The following PAFAH1B2 variants were observed in gnomAD, a reference collection of about 807,000 sequenced individuals.
The protein encoded by PAFAH1B2 is platelet-activating factor acetylhydrolase IB subunit alpha2.
A neutral mutation model predicts 28.0 loss-of-function variants in PAFAH1B2; 8 were observed. That is an observed-to-expected ratio of 0.29 (90% confidence interval 0.17 to 0.52). PAFAH1B2 has a LOEUF of 0.52. PAFAH1B2 is among the 20% of genes least tolerant of loss of function. The pLI, the probability that PAFAH1B2 is intolerant of heterozygous loss-of-function variation, is 0.97. For missense variants in PAFAH1B2, 190 were observed against 282.6 expected, an observed-to-expected ratio of 0.67 and a Z score of 2.35; for synonymous variants, 104 against 103.2, an observed-to-expected ratio of 1.01 and a Z score of -0.05.
chr11:117,149,764 G>A (rs1386412438), intron 1 of PAFAH1B2, among the ~76,000 whole-genome samples: 1 of 151,948 alleles, frequency 6.6e-6, no homozygotes, highest in East Asian at 1.9e-4. Flanking sequence ...AGAAAAAATA[G>A]GCTTCACTAT....
At chr11:117,152,612 C>A in intron 2 of PAFAH1B2, 84 bp downstream of exon 2, 1 of 963,172 alleles carries the variant, frequency 1.0e-6, no homozygotes, top group South Asian at 1.3e-5. Context: ...GAGACAAGGT[C>A]TCACTGTGTT....
intron 1 of PAFAH1B2, among the ~76,000 whole-genome samples, chr11:117,144,760 C>T (rs913162362): frequency 6.6e-6 from 1 of 152,064 alleles, no homozygotes; most frequent in African/African-American, 2.4e-5. Flanking sequence ...CCTGCCCTGC[C>T]CTGCCCTGCC....
intron 2 of PAFAH1B2, 26 bp from the exon 3 acceptor site, chr11:117,159,908 A>ATT: frequency 7.0e-7 from 1 of 1,424,596 alleles, no homozygotes; most frequent in Non-Finnish European, 9.8e-7. Context: ...CCAGTTAATA[A>ATT]TTTTTTTTTT....
In PAFAH1B2 at chr11:117,161,226, C is replaced by A. The variant is rs1160441527; in HGVS notation, c.253C>A (p.Leu85Ile). Residue 85 changes from leucine to isoleucine, a missense_variant, in exon 4 of 6, where the codon CTA (leucine) becomes ATA (isoleucine). Leu to Ile is a conservative substitution (Grantham distance 5). Transcript: ENST00000527958. ...TACAACAAGACATGTTTTGTGGAGA[C>A]TAAAGAATGGAGAACTGGAGAATAT... ...GDTTRHVLWR[L>I]KNGELENIKP... 6.3e-7 allele frequency: 1 copy of A among 1,585,446 alleles called. No homozygotes were observed. Among genetic ancestry groups the A allele is most frequent in the African/African-American group, 1.4e-5 (1 of 72,844 alleles).
chr11:117,150,077 CT>C (rs1354832569), intron 1 of PAFAH1B2, among the ~76,000 whole-genome samples: 38 of 152,160 alleles, frequency 2.5e-4, no homozygotes, highest in African/African-American at 8.9e-4. Context: ...TGATTTAAGC[CT>C]AGAATTGAAC....
At chr11:117,165,912 T>C (rs903874038) in intron 5 of PAFAH1B2, among the ~76,000 whole-genome samples, 4 of 151,646 alleles carry the variant, frequency 2.6e-5, no homozygotes, top group African/African-American at 9.7e-5. Context: ...TGATCTTAGC[T>C]CACTGCAACC....
intron 2 of PAFAH1B2, 191 bp from the exon 3 acceptor site, chr11:117,159,736 GAAAAAAA>G (rs369169854): frequency 4.9e-6 from 2 of 404,806 alleles, no homozygotes; most frequent in Non-Finnish European, 8.8e-6. Flanking sequence ...CGCTGTCTTA[GAAAAAAA>G]AAAAAAAAGA....
Position 117,168,826 on chromosome 11 carries a change from T to C in PAFAH1B2, c.*1127T>C, listed in dbSNP as rs2134220949. ...TGTTTTGTTTGAGATGGAGTTTCAC[T>C]GTTGCCCAGGCTGGGGTGCAATGGT... On this transcript the variant is annotated 3_prime_UTR_variant, in exon 6 of 6. Transcript: ENST00000527958. The C allele has an allele frequency of 1.2e-6, 1 of 831,610 alleles. No homozygotes were observed. Among genetic ancestry groups the C allele is most frequent in the East Asian group, 6.3e-5 (1 of 15,768 alleles). The allele number at this position is 831,610 out of a possible 1,614,324, so 51.5% of individuals were successfully genotyped here. A position where few individuals can be genotyped will look rare whatever the true frequency, so the allele number is the denominator to read the frequency against.
intron 2 of PAFAH1B2, among the ~76,000 whole-genome samples, 168 bp downstream of exon 2, chr11:117,152,696 G>T (rs554908273): frequency 6.6e-6 from 1 of 152,152 alleles, no homozygotes; most frequent in African/African-American, 2.4e-5. Flanking sequence ...GGGACTAGTG[G>T]CACATATCAG....
chr11:117,175,233 T>G (rs2029908136), downstream of PAFAH1B2: 9 of 1,090,372 alleles, frequency 8.3e-6, no homozygotes, highest in Non-Finnish European at 8.9e-6. Context: ...AAGGCCAGGA[T>G]CACATCCCTG....
chr11:117,151,833 A>G (rs1248971923), intron 1 of PAFAH1B2, among the ~76,000 whole-genome samples: 1 of 151,992 alleles, frequency 6.6e-6, no homozygotes, highest in Non-Finnish European at 1.5e-5. Context: ...CAGCCTCCCA[A>G]GTAGCTGGGA....
chr11:117,176,222 T>C (rs2029973556), exon 6 of PAFAH1B2: 2 of 471,242 alleles, frequency 4.2e-6, no homozygotes, highest in Non-Finnish European at 7.5e-6. Flanking sequence ...GACTTTCTAA[T>C]TGGTGAACCC....
At chr11:117,153,199 A>C (rs1279419794) in intron 2 of PAFAH1B2, among the ~76,000 whole-genome samples, 1 of 152,234 alleles carries the variant, frequency 6.6e-6, no homozygotes, top group Admixed American at 6.5e-5. Flanking sequence ...CTGCCTCTTC[A>C]CCATTCTGAT....
exon 6 of PAFAH1B2, chr11:117,176,213 A>G: frequency 2.1e-6 from 1 of 477,806 alleles, no homozygotes; most frequent in Non-Finnish European, 3.7e-6. Context: ...CTTCCAGCTG[A>G]CTTTCTAATT....
At chr11:117,152,305 T>G in intron 1 of PAFAH1B2, 136 bp from the exon 2 acceptor site, 1 of 617,416 alleles carries the variant, frequency 1.6e-6, no homozygotes, top group Non-Finnish European at 2.9e-6. Context: ...TAATTGTTTC[T>G]GTTTAGTTTC....
rs1465445536 is a variant in PAFAH1B2, at chr11:117,170,349, G to T, written c.*2650G>T. On this transcript the variant is annotated 3_prime_UTR_variant, in exon 6 of 6. Coordinates refer to ENST00000527958, the MANE Select transcript of PAFAH1B2 (RefSeq NM_002572.4). The stretch of plus-strand genomic sequence containing the variant: ...TGTATTCCTTCGCCCACGCATTCCT[G>T]CTATACTAGATGGCAGCCAGTGATG... 9.4e-7 allele frequency: 1 copy of T among 1,060,272 alleles called. No homozygotes were observed. Among genetic ancestry groups the T allele is most frequent in the Non-Finnish European group, 1.1e-6 (1 of 877,390 alleles). The allele number at this position is 1,060,272 out of a possible 1,614,324, so 65.7% of individuals were successfully genotyped here.
At position 117,168,031 on chromosome 11, in the gene PAFAH1B2, T is replaced by C; in HGVS notation, c.*332T>C. On this transcript the variant is annotated 3_prime_UTR_variant, in exon 6 of 6. Transcript: ENST00000527958. ...GCCTAAATACTGAACAATATGAAGA[T>C]TCTTTTCTTGGCCTTTCTGTGGATT... is the stretch of plus-strand genomic sequence containing the variant. 1 of 1,069,706 alleles carries C rather than the reference T, an allele frequency of 9.3e-7. No individual in the cohort carries two copies. The highest frequency in any genetic ancestry group is 1.1e-6 in the Non-Finnish European group (1 of 882,616). The allele number at this position is 1,069,706 out of a possible 1,614,324, so 66.3% of individuals were successfully genotyped here.
At chr11:117,174,019 T>C (rs1049122142), downstream of PAFAH1B2, among the ~76,000 whole-genome samples, 2 of 151,992 alleles carry the variant, frequency 1.3e-5, no homozygotes, top group South Asian at 4.1e-4. Context: ...CATTACATGA[T>C]ACTAAAATCT....
chr11:117,175,928 A>G (rs945483026), downstream of PAFAH1B2: 12 of 1,535,752 alleles, frequency 7.8e-6, no homozygotes, highest in Non-Finnish European at 7.8e-6. Flanking sequence ...CAAGATGAGC[A>G]GGATTACCAT....
Sources: gnomAD v4.1 joint callset for allele counts (sites outside exome capture counted in the v4.1 genomes callset) on GRCh38, gnomAD v4.1.1 for gene constraint, MANE v1.5 for transcripts, NCBI Gene and HGNC (gene_info 2026-07-23, HGNC 2026-07-21) for gene names.